The following DPYSL2 variants were observed in gnomAD, a reference collection of about 807,000 sequenced individuals.
The protein encoded by DPYSL2 is dihydropyrimidinase-related protein 2.
DPYSL2 carries 13 observed loss-of-function variants against 69.9 expected under a neutral mutation model. The ratio of observed to expected loss-of-function variants is 0.19; its 90% confidence interval spans 0.12 to 0.30. The LOEUF (loss-of-function observed/expected upper bound fraction) is 0.30, where lower values mean the gene tolerates loss of function less well. Ranked by LOEUF, DPYSL2 falls within the 10% of genes least tolerant of loss-of-function variation. DPYSL2 has a pLI of 1.00. For missense variants in DPYSL2, 587 were observed against 918.9 expected (o/e 0.64, Z 4.67); for synonymous variants, 326 against 359.1 (o/e 0.91, Z 1.04).
chr8:26,534,122 G>A (rs17319207), intron 1 of DPYSL2, among the ~76,000 whole-genome samples: 10,801 of 152,250 alleles, frequency 0.071, 460 homozygotes, highest in South Asian at 0.22. Flanking sequence ...CAACTAGTGG[G>A]TGAATCCTTC....
intron 1 of DPYSL2, among the ~76,000 whole-genome samples, chr8:26,539,811 G>A (rs1050630420): frequency 2.6e-5 from 4 of 152,114 alleles, no homozygotes; most frequent in Admixed American, 6.5e-5. Flanking sequence ...GAGTAGGATC[G>A]CTACACTCCA....
chr8:26,635,804 C>G (rs1802901678), intron 8 of DPYSL2, among the ~76,000 whole-genome samples: 1 of 152,090 alleles, frequency 6.6e-6, no homozygotes, highest in Admixed American at 6.6e-5. Flanking sequence ...TTTTATCTTT[C>G]ATTTGACTCT....
rs1181954909 is a variant in DPYSL2, at chr8:26,562,169, A to G, written c.355-19800A>G. The stretch of plus-strand genomic sequence containing the variant: ...ATAAGAGGAAGGACACACACTGGTC[A>G]GACTGCAGGGCTTGATTCCTGGCTC... On this transcript the variant is annotated intron_variant, in intron 1 of 13. Transcript: ENST00000521913. The surrounding 1 kb of genome is among the most constrained non-coding windows in gnomAD (Gnocchi z 4.9). Among the ~76,000 whole-genome samples, 1 of 152,216 alleles carries G rather than the reference A, an allele frequency of 6.6e-6. No individual in the cohort carries two copies. Among genetic ancestry groups the G allele is most frequent in the East Asian group, 1.9e-4 (1 of 5,200 alleles).
At position 26,588,722 on chromosome 8, in the gene DPYSL2, C is replaced by CT. The variant is rs1435862355; in HGVS notation, c.628+4740dup. 6.6e-6 allele frequency among the ~76,000 whole-genome samples: 1 copy of CT among 152,138 alleles called. No homozygotes were observed. The highest frequency in any genetic ancestry group is 1.5e-5 in the Non-Finnish European group (1 of 68,010). ...TCACTTCTCCCCTGGCTGTGGCTCC[C>CT]TGGATGTGCATCAGGCACCTCCATC... On this transcript the variant is annotated intron_variant, in intron 3 of 13. Transcript: ENST00000521913. This position sits in a 1 kb window ranked among gnomAD's most constrained non-coding sequence, Gnocchi z 5.4.
chr8:26,566,859 C>T (rs1482667686), intron 1 of DPYSL2, among the ~76,000 whole-genome samples: 2 of 152,106 alleles, frequency 1.3e-5, no homozygotes, highest in Non-Finnish European at 2.9e-5. Flanking sequence ...CGCCTACCCA[C>T]CCATCTATCC....
At chr8:26,546,495 A>G (rs938328986) in intron 1 of DPYSL2, among the ~76,000 whole-genome samples, 4 of 152,176 alleles carry the variant, frequency 2.6e-5, no homozygotes, top group African/African-American at 4.8e-5. Context: ...AAAATAAATT[A>G]GACACCTTTA....
chr8:26,616,923 G>A (rs958476398), intron 3 of DPYSL2, among the ~76,000 whole-genome samples: 4 of 152,136 alleles, frequency 2.6e-5, no homozygotes, highest in Admixed American at 2.0e-4. Flanking sequence ...AGGGCAGGGT[G>A]GAGGGTTACA....
chr8:26,630,525 G>A (rs1166828989), intron 7 of DPYSL2, among the ~76,000 whole-genome samples: 2 of 152,180 alleles, frequency 1.3e-5, no homozygotes, highest in Non-Finnish European at 1.5e-5. Context: ...TAGTGCTCAC[G>A]TGTGCTGGAC....
intron 1 of DPYSL2, among the ~76,000 whole-genome samples, chr8:26,542,424 A>C (rs992094168): frequency 6.6e-6 from 1 of 152,102 alleles, no homozygotes; most frequent in African/African-American, 2.4e-5. Context: ...CATATTAAAA[A>C]AATTTTTTTT....
chr8:26,529,925 A>G (rs1273378409), intron 1 of DPYSL2, among the ~76,000 whole-genome samples: 1 of 151,446 alleles, frequency 6.6e-6, no homozygotes, highest in Admixed American at 6.6e-5. Context: ...AGCCTGGCTA[A>G]CATGCTGAAA....
At position 26,653,590 on chromosome 8, in the gene DPYSL2, G is replaced by T. The variant is rs549717016; in HGVS notation, c.1942+193G>T. Among the ~76,000 whole-genome samples, 1 of 152,054 alleles carries T rather than the reference G, an allele frequency of 6.6e-6. No homozygotes were observed. The highest frequency in any genetic ancestry group is 1.5e-5 in the Non-Finnish European group (1 of 68,018). Reference sequence around the variant, plus strand: ...TTTCTTTTTTTTGAGGCAGGGTCTCGCTCTGTTACCCAGACTGGAGTGCAA... The same window carrying T: ...TTTCTTTTTTTTGAGGCAGGGTCTCTCTCTGTTACCCAGACTGGAGTGCAA... On this transcript the variant is annotated intron_variant, in intron 13 of 13. Coordinates refer to ENST00000521913, the MANE Select transcript of DPYSL2 (RefSeq NM_001197293.3). The surrounding 1 kb of genome is among the most constrained non-coding windows in gnomAD (Gnocchi z 5.7).
intron 1 of DPYSL2, chr8:26,578,324 G>T (rs1354318691): frequency 6.2e-7 from 1 of 1,613,936 alleles, no homozygotes; most frequent in South Asian, 1.1e-5. Context: ...ATCTGCGGTC[G>T]GCCAGCCACC....
intron 1 of DPYSL2, among the ~76,000 whole-genome samples, chr8:26,555,276 A>G (rs1371698425): frequency 6.6e-6 from 1 of 152,194 alleles, no homozygotes; most frequent in African/African-American, 2.4e-5. Context: ...AGAAAAGAAA[A>G]AAAAGGTATA....
At position 26,573,464 on chromosome 8, in the gene DPYSL2, C is replaced by T. The variant is rs986638976; in HGVS notation, c.355-8505C>T. Among the ~76,000 whole-genome samples, 6 of 151,896 alleles carry T rather than the reference C, an allele frequency of 4.0e-5. No individual in the cohort carries two copies. The South Asian group carries it at 8.3e-4, about 21-fold the overall frequency. ...TGGGTGGATCACGAGGTCAGGAGAT[C>T]GAGACCATCCTGGCAAACACGGTGA... On this transcript the variant is annotated intron_variant, in intron 1 of 13. Transcript: ENST00000521913.
intron 1 of DPYSL2, among the ~76,000 whole-genome samples, chr8:26,521,064 A>G (rs78217714): frequency 0.056 from 8,579 of 152,284 alleles, 339 homozygotes; most frequent in South Asian, 0.1. Flanking sequence ...CACAAAGTCC[A>G]TAACAATCAT....
At chr8:26,518,349 G>A (rs536319911) in intron 1 of DPYSL2, among the ~76,000 whole-genome samples, 66 of 152,184 alleles carry the variant, frequency 4.3e-4, no homozygotes, top group African/African-American at 1.5e-3. Context: ...TGGGGGTGGG[G>A]GATAATTGGA....
At position 26,528,865 on chromosome 8, in the gene DPYSL2, C is replaced by T. The variant is rs79235316; in HGVS notation, c.354+14186C>T. ...GAAGGGTAAACAGGTTTAGGGAGGC[C>T]AGTTTGGATAACATTGATGGGCCCT... On this transcript the variant is annotated intron_variant, in intron 1 of 13. Transcript: ENST00000521913. Among the ~76,000 whole-genome samples the T allele has an allele frequency of 3.4e-3, 513 of 151,986 alleles. 4 individuals carry two copies. The highest frequency in any genetic ancestry group is 0.012 in the African/African-American group (492 of 41,464).
rs188338549 is a variant in DPYSL2 at position 26,565,701 on chromosome 8, A to C, written c.355-16268A>C. On this transcript the variant is annotated intron_variant, in intron 1 of 13. Coordinates refer to ENST00000521913, the MANE Select transcript of DPYSL2 (RefSeq NM_001197293.3). This position sits in a 1 kb window ranked among gnomAD's most constrained non-coding sequence, Gnocchi z 4.1. ...CTATGTATAATGACTCGAGCACAAA[A>C]GGAGTTTATTTGTATATCACATAAT... 3.3e-3 allele frequency among the ~76,000 whole-genome samples: 497 copies of C among 152,332 alleles called. 1 individual carries two copies. Among genetic ancestry groups the C allele is most frequent in the Middle Eastern group, 0.01 (3 of 294 alleles).
At chr8:26,594,309 C>G (rs945058017) in intron 3 of DPYSL2, among the ~76,000 whole-genome samples, 4 of 152,084 alleles carry the variant, frequency 2.6e-5, no homozygotes, top group African/African-American at 7.2e-5. Flanking sequence ...TCTCTCACAC[C>G]TGTCTGTATC....
Sources: allele counts gnomAD v4.1 joint callset (sites outside exome capture counted in the v4.1 genomes callset), GRCh38; gene constraint gnomAD v4.1.1; non-coding constraint Gnocchi (gnomAD v3.1); transcripts MANE v1.5; gene names NCBI Gene and HGNC (gene_info 2026-07-23, HGNC 2026-07-21).